The following ERC1 variants were observed in gnomAD, a reference collection of about 807,000 sequenced individuals.
ERC1 encodes RAB6 interacting protein 2.
ERC1 carries 56 observed loss-of-function variants against 132.0 expected under a neutral mutation model. The ratio of observed to expected loss-of-function variants is 0.42; its 90% CI spans 0.34 to 0.53. The LOEUF is 0.53. Ranked by LOEUF, ERC1 falls within the 20% of genes least tolerant of loss-of-function variation. The pLI, the probability that ERC1 is intolerant of heterozygous loss-of-function variation, is 0.03. For synonymous variants in ERC1, 478 were observed against 476.1 expected, an observed-to-expected ratio of 1.00 and a Z score of -0.05; for missense variants, 1,202 against 1,349.9, an observed-to-expected ratio of 0.89 and a Z score of 1.72.
At chr12:1,010,997 C>G (rs1964595450) in intron 1 of ERC1, among the ~76,000 whole-genome samples, 1 of 152,058 alleles carries the variant, frequency 6.6e-6, no homozygotes, top group African/African-American at 2.4e-5. Context: ...TAGACCCACT[C>G]AGGTCTGAAA....
intron 7 of ERC1, among the ~76,000 whole-genome samples, chr12:1,124,393 C>T (rs1947912202): frequency 6.6e-6 from 1 of 151,926 alleles, no homozygotes; most frequent in African/African-American, 2.4e-5. Context: ...AAACATACTA[C>T]CAAAATGACC....
At chr12:1,225,043 C>T (rs558061736) in intron 12 of ERC1, among the ~76,000 whole-genome samples, 1 of 152,014 alleles carries the variant, frequency 6.6e-6, no homozygotes, top group East Asian at 1.9e-4. Context: ...AAAAAACATG[C>T]TTAATTTGTC....
chr12:1,230,358 T>G (rs1746654196), intron 12 of ERC1, among the ~76,000 whole-genome samples: 1 of 152,202 alleles, frequency 6.6e-6, no homozygotes, highest in South Asian at 2.1e-4. Flanking sequence ...CAGGAGTATA[T>G]TGTTTACTTT....
chr12:1,310,602 G>A (rs2081240371), intron 15 of ERC1, among the ~76,000 whole-genome samples: 1 of 152,250 alleles, frequency 6.6e-6, no homozygotes, highest in South Asian at 2.1e-4. Flanking sequence ...TTAGGGAGAT[G>A]CAGTAGTTCT....
chr12:1,479,142 G>A (rs1041767427), intron 18 of ERC1, among the ~76,000 whole-genome samples: 4 of 152,244 alleles, frequency 2.6e-5, no homozygotes, highest in South Asian at 2.1e-4. Flanking sequence ...CCATTGGTCT[G>A]TGTGTCTGCT....
chr12:1,333,809 GTT>G (rs1296476168), intron 15 of ERC1, among the ~76,000 whole-genome samples: 1 of 152,110 alleles, frequency 6.6e-6, no homozygotes, highest in Non-Finnish European at 1.5e-5. Flanking sequence ...TCTGTCTTTA[GTT>G]CTTTGAGGAA....
At chr12:1,257,645 G>A (rs967207409) in intron 13 of ERC1, among the ~76,000 whole-genome samples, 1 of 152,076 alleles carries the variant, frequency 6.6e-6, no homozygotes, top group Non-Finnish European at 1.5e-5. Context: ...TCTGCTGACA[G>A]CCTGTAAGCT....
At position 1,311,736 on chromosome 12, in the gene ERC1, A is replaced by T. The variant is rs732844; in HGVS notation, c.2780+21724A>T. 2.5e-3 allele frequency among the ~76,000 whole-genome samples: 386 copies of T among 152,342 alleles called. 1 individual carries two copies. Among genetic ancestry groups the T allele is most frequent in the African/African-American group, 8.5e-3 (352 of 41,582 alleles). On this transcript the variant is annotated intron_variant, in intron 15 of 18. Transcript: ENST00000360905. ...GCACTATTCTATTGATTCCTCAAAA[A>T]GATGCAATTGCTTTACTCATAGAGT...
chr12:1,277,330 T>C (rs920877045), intron 14 of ERC1, among the ~76,000 whole-genome samples: 1 of 152,244 alleles, frequency 6.6e-6, no homozygotes, highest in African/African-American at 2.4e-5. Flanking sequence ...TGAAAATCTT[T>C]TTGATCCTAC....
chr12:1,246,629 T>C (rs925091347), intron 13 of ERC1, among the ~76,000 whole-genome samples: 5 of 152,172 alleles, frequency 3.3e-5, no homozygotes, highest in Non-Finnish European at 7.4e-5. Flanking sequence ...AACTTTTCAG[T>C]GAAGAAACCT....
Position 1,110,202 on chromosome 12 carries a change from T to C in ERC1, c.1172T>C (p.Ile391Thr). 1 of 1,604,950 alleles carries C rather than the reference T, an allele frequency of 6.2e-7. No homozygotes were observed. The change falls in exon 5 of 19, where the codon ATT becomes ACT. Residue 391 changes from isoleucine to threonine, a missense_variant. By Grantham distance (89) the Ile-to-Thr change is moderately conservative. Transcript: ENST00000360905. The stretch of plus-strand genomic sequence containing the variant: ...TTCCATTGTCTTCAGGATTCAAAAA[T>C]TTCCTCTATGGAGCGTGGGCTTCGA... ...QTVIEMKDSKISSMERGLRDL... is the reference protein window; with the variant it reads ...QTVIEMKDSKTSSMERGLRDL...
chr12:1,392,500 C>T (rs984883924), intron 16 of ERC1, among the ~76,000 whole-genome samples: 3 of 152,218 alleles, frequency 2.0e-5, no homozygotes, highest in African/African-American at 7.2e-5. Context: ...TCCCTTAGCC[C>T]AAGTCACATA....
At chr12:1,181,013 A>G (rs986957477) in intron 9 of ERC1, among the ~76,000 whole-genome samples, 3 of 151,960 alleles carry the variant, frequency 2.0e-5, no homozygotes, top group Non-Finnish European at 4.4e-5. Context: ...GGGTTTTGCC[A>G]TGTTGGCCAG....
At chr12:1,077,968 CAG>C (rs1377577156) in intron 2 of ERC1, among the ~76,000 whole-genome samples, 2 of 152,132 alleles carry the variant, frequency 1.3e-5, no homozygotes, top group East Asian at 3.8e-4. Flanking sequence ...GCTACCAAGT[CAG>C]AGCATTGTTT....
chr12:1,190,223 G>T (rs1955571350), intron 12 of ERC1, 171 bp downstream of exon 12: 2 of 752,452 alleles, frequency 2.7e-6, no homozygotes, highest in Non-Finnish European at 2.4e-6. Flanking sequence ...CTTTGTTGAG[G>T]TGTCTGAAAG....
At chr12:1,424,260 T>A (rs2092535989) in intron 17 of ERC1, among the ~76,000 whole-genome samples, 1 of 152,154 alleles carries the variant, frequency 6.6e-6, no homozygotes. Context: ...GAGAAAAAAC[T>A]AATGATTGAA....
intron 2 of ERC1, among the ~76,000 whole-genome samples, chr12:1,069,845 T>C (rs1376252927): frequency 6.6e-6 from 1 of 152,212 alleles, no homozygotes. Flanking sequence ...AATTAGGTTA[T>C]GGGAAAACTT....
rs186019311 is a variant in ERC1, at chr12:1,182,037, T to G, written c.1988T>G (p.Leu663Arg). 1 of 1,614,024 alleles carries G rather than the reference T, an allele frequency of 6.2e-7. No individual in the cohort carries two copies. The highest frequency in any genetic ancestry group is 2.2e-5 in the East Asian group (1 of 44,880). The change falls in exon 10 of 19, where the codon CTG (leucine) becomes CGG (arginine). Residue 663 changes from leucine (L) to arginine (R), a missense_variant. Physicochemically the swap from Leu to Arg is moderately radical, Grantham distance 102 (BLOSUM62 -2). Coordinates refer to ENST00000360905, the MANE Select transcript of ERC1 (RefSeq NM_178040.4). ...DLKDLKEKVS[L>R]LQGDLSEKEA... ...AAAGACTTGAAGGAAAAAGTCAGCC[T>G]GTTGCAAGGCGACCTTTCAGAGAAA...
chr12:1,220,010 C>A (rs899069424), intron 12 of ERC1, among the ~76,000 whole-genome samples: 9 of 152,192 alleles, frequency 5.9e-5, no homozygotes, highest in African/African-American at 2.2e-4. Context: ...CCCTGTAACC[C>A]CACCACAACC....
Sources: gnomAD v4.1 joint callset for allele counts (sites outside exome capture counted in the v4.1 genomes callset) on GRCh38, gnomAD v4.1.1 for gene constraint, MANE v1.5 for transcripts, NCBI Gene and HGNC (gene_info 2026-07-23, HGNC 2026-07-21) for gene names.